FRMD3: variants seen among roughly 807,000 people sequenced by gnomAD.
FRMD3 encodes the protein FERM domain-containing protein 3.
FRMD3 carries 33 observed loss-of-function variants against 70.2 expected under a neutral mutation model. That is an observed-to-expected ratio of 0.47 (90% CI 0.36 to 0.63). The LOEUF (loss-of-function observed/expected upper bound fraction) is 0.63, where lower values mean the gene tolerates loss of function less well. Among genes scored for constraint, FRMD3 ranks in the 20% least tolerant of loss-of-function variants. The pLI is 0.00. For missense variants in FRMD3, 632 were observed against 711.4 expected, an observed-to-expected ratio of 0.89 and a Z score of 1.27; for synonymous variants, 279 against 255.9, an observed-to-expected ratio of 1.09 and a Z score of -0.86.
chr9:83,305,107 C>G (rs967299109), intron 10 of FRMD3, among the ~76,000 whole-genome samples: 1 of 152,194 alleles, frequency 6.6e-6, no homozygotes, highest in Admixed American at 6.5e-5. Context: ...ATCTAGGAAA[C>G]AAGATTAGGG....
chr9:83,366,846 T>C (rs1237081724), intron 3 of FRMD3, among the ~76,000 whole-genome samples: 1 of 152,118 alleles, frequency 6.6e-6, no homozygotes, highest in Non-Finnish European at 1.5e-5. Context: ...TTGGGCCACA[T>C]TCCACAGTTA....
At chr9:83,282,843 A>G (rs1436374360) in intron 13 of FRMD3, among the ~76,000 whole-genome samples, 1 of 152,218 alleles carries the variant, frequency 6.6e-6, no homozygotes. Flanking sequence ...CAAAATTGAA[A>G]TGATGCACAC....
intron 1 of FRMD3, among the ~76,000 whole-genome samples, chr9:83,533,540 C>T (rs1270847302): frequency 3.9e-5 from 6 of 152,132 alleles, no homozygotes; most frequent in African/African-American, 1.4e-4. Flanking sequence ...ATAACTAAAC[C>T]ACACATCTGA....
intron 10 of FRMD3, among the ~76,000 whole-genome samples, chr9:83,301,388 T>C (rs951665033): frequency 6.6e-6 from 1 of 152,120 alleles, no homozygotes; most frequent in African/African-American, 2.4e-5. Flanking sequence ...CCTCTCCCCA[T>C]CTTCTTGGAA....
intron 1 of FRMD3, among the ~76,000 whole-genome samples, chr9:83,411,045 GA>G: frequency 6.6e-6 from 1 of 152,282 alleles, no homozygotes; most frequent in South Asian, 2.1e-4. Context: ...GAGTGCCGCA[GA>G]ATGTTTGGGG....
At chr9:83,583,184 C>A in the FRMD3 span, among the ~76,000 whole-genome samples, 3 of 152,138 alleles carry the variant, frequency 2.0e-5, no homozygotes, top group African/African-American at 4.8e-5. Flanking sequence ...TTTTTACTGG[C>A]TTTTCTGCAC....
At chr9:83,436,458 A>ATGTGTGTG (rs148417744) in intron 1 of FRMD3, among the ~76,000 whole-genome samples, 3,209 of 144,620 alleles carry the variant, frequency 0.022, 90 homozygotes, top group African/African-American at 0.064. Context: ...AATTAATAAG[A>ATGTGTGTG]TGTGTGTGTG....
chr9:83,387,495 T>A (rs117885116), intron 2 of FRMD3, among the ~76,000 whole-genome samples: 1,611 of 152,338 alleles, frequency 0.011, 22 homozygotes, highest in Middle Eastern at 0.037. Context: ...ACATGATAGA[T>A]GCTCAACTAA....
At chr9:83,377,313 A>G (rs560832581) in intron 2 of FRMD3, among the ~76,000 whole-genome samples, 2 of 152,376 alleles carry the variant, frequency 1.3e-5, no homozygotes, top group Admixed American at 1.3e-4. Context: ...GACTAATGGA[A>G]GGATAATAGG....
chr9:83,384,899 A>G (rs1043405782), intron 2 of FRMD3, among the ~76,000 whole-genome samples: 2 of 152,186 alleles, frequency 1.3e-5, no homozygotes, highest in African/African-American at 4.8e-5. Flanking sequence ...TCCAGACCAT[A>G]AAGCAGCATC....
intron 12 of FRMD3, chr9:83,297,907 C>A: frequency 2.2e-6 from 1 of 461,632 alleles, no homozygotes; most frequent in Non-Finnish European, 4.5e-6. Flanking sequence ...CTTAGCCACA[C>A]TTCTGTGGGA....
intron 1 of FRMD3, among the ~76,000 whole-genome samples, chr9:83,529,288 A>C (rs1357347048): frequency 6.6e-6 from 1 of 152,240 alleles, no homozygotes; most frequent in South Asian, 2.1e-4. Flanking sequence ...CAAAAGGATA[A>C]AGTTAGACCC....
At chr9:83,475,429 T>C (rs1218571857) in intron 1 of FRMD3, among the ~76,000 whole-genome samples, 2 of 151,788 alleles carry the variant, frequency 1.3e-5, no homozygotes, top group African/African-American at 4.8e-5. Context: ...AATAGTTCAA[T>C]AGAAAATGCC....
At chr9:83,549,179 C>T in the FRMD3 span, among the ~76,000 whole-genome samples, 11 of 152,086 alleles carry the variant, frequency 7.2e-5, no homozygotes, top group African/African-American at 2.7e-4. Context: ...CATTTAGCTC[C>T]CACTTGTAAG....
chr9:83,569,372 G>T, the FRMD3 span, among the ~76,000 whole-genome samples: 5 of 152,174 alleles, frequency 3.3e-5, no homozygotes, highest in East Asian at 1.9e-4. Flanking sequence ...TCTCATTTTT[G>T]ATAAATAGAC....
At chr9:83,244,576 T>A (rs1831998979), downstream of FRMD3, 1 of 655,466 alleles carries the variant, frequency 1.5e-6, no homozygotes, top group Non-Finnish European at 1.9e-6. Flanking sequence ...TCCAACAACC[T>A]GACTATACAA....
intron 1 of FRMD3, among the ~76,000 whole-genome samples, chr9:83,487,352 C>CA (rs372993416): frequency 6.6e-6 from 1 of 152,150 alleles, no homozygotes; most frequent in African/African-American, 2.4e-5. Flanking sequence ...TTCCCTCCCC[C>CA]AAAAAACAGC....
At chr9:83,456,500 T>C (rs1827821022) in intron 1 of FRMD3, among the ~76,000 whole-genome samples, 1 of 152,204 alleles carries the variant, frequency 6.6e-6, no homozygotes, top group Non-Finnish European at 1.5e-5. Flanking sequence ...TAATAGAAGT[T>C]ACACAATTTA....
chr9:83,500,240 A>T (rs1829032672), intron 1 of FRMD3, among the ~76,000 whole-genome samples: 1 of 152,106 alleles, frequency 6.6e-6, no homozygotes, highest in Admixed American at 6.6e-5. Flanking sequence ...TAAGCTATGA[A>T]CTTTAGTTAA....
Sources: allele counts gnomAD v4.1 joint callset (sites outside exome capture counted in the v4.1 genomes callset), GRCh38; gene constraint gnomAD v4.1.1; transcripts MANE v1.5; gene names NCBI Gene and HGNC (gene_info 2026-07-23, HGNC 2026-07-21).